Variants in UGT1A10 observed in about 807,000 individuals in gnomAD.
UGT1A10 encodes the protein UDP glucuronosyltransferase family 1 member A10.
UGT1A10 carries 49 observed loss-of-function variants against 45.8 expected under a neutral mutation model. The observed-to-expected ratio is 1.07, with a 90% CI of 0.85 to 1.36. The LOEUF (loss-of-function observed/expected upper bound fraction) is 1.36. UGT1A10 is among the 40% of genes most tolerant of loss of function. The pLI is 0.00. For synonymous variants in UGT1A10, 284 were observed against 249.7 expected (o/e 1.14, Z -1.29); for missense variants, 745 against 668.6 (o/e 1.11, Z -1.26).
In UGT1A10 at chr2:233,682,581, A is replaced by G. The variant is rs1415178674; in HGVS notation, c.855+45204A>G. ...GTATGGAACCACATCATGCACTTGG[A>G]GGAACATTTATTTTGCCCCTATTTT... is the stretch of plus-strand genomic sequence containing the variant. On this transcript the variant is annotated intron_variant, in intron 1 of 4. Transcript: ENST00000344644. 2.2e-5 allele frequency: 36 copies of G among 1,613,826 alleles called. No individual in the cohort carries two copies. Among genetic ancestry groups the G allele is most frequent in the Non-Finnish European group, 2.7e-5 (32 of 1,179,846 alleles).
rs768275652 is a variant in UGT1A10 at position 233,636,725 on chromosome 2, G to A, written c.203G>A (p.Arg68Lys). The A allele has an allele frequency of 1.2e-6, 2 of 1,614,076 alleles. No individual in the cohort carries two copies. Among genetic ancestry groups the A allele is most frequent in the Non-Finnish European group, 8.5e-7 (1 of 1,180,046 alleles). The part of the protein sequence containing the change: ...VMPEVSWQLE[R>K]SLNCTVKTYS... ...CCAGAGGTGAGTTGGCAACTGGAAA[G>A]ATCACTGAATTGCACAGTGAAGACT... Residue 68 changes from arginine (R) to lysine (K), a missense_variant, in exon 1 of 5, where the codon AGA (arginine) becomes AAA (lysine). Arg to Lys is a conservative substitution (Grantham distance 26, BLOSUM62 2). Transcript: ENST00000344644.
chr2:233,695,130 CTTT>C (rs71398796), intron 1 of UGT1A10, among the ~76,000 whole-genome samples: 3 of 138,822 alleles, frequency 2.2e-5, no homozygotes, highest in Non-Finnish European at 3.1e-5. Context: ...CTTTTCTTTT[CTTT>C]TTTTTTTTTT....
chr2:233,735,747 T>C (rs933103602), intron 1 of UGT1A10, among the ~76,000 whole-genome samples: 3 of 152,290 alleles, frequency 2.0e-5, no homozygotes, highest in African/African-American at 7.2e-5. Context: ...TATAAAGGAT[T>C]TTATTTCTCC....
Position 233,730,172 on chromosome 2 carries a change from A to T in UGT1A10, c.856-36862A>T, listed in dbSNP as rs45486905. On this transcript the variant is annotated intron_variant, in intron 1 of 4. Coordinates refer to ENST00000344644, the MANE Select transcript of UGT1A10 (RefSeq NM_019075.4). ...TAAGGGGTCTCTAGTAGCGTATTTCAGGTTTTAAATGGTCACTGAGAGGAA... is the reference window on the plus strand; with the variant it reads ...TAAGGGGTCTCTAGTAGCGTATTTCTGGTTTTAAATGGTCACTGAGAGGAA... Among the ~76,000 whole-genome samples the T allele has an allele frequency of 6.6e-5, 10 of 152,342 alleles. No homozygotes were observed. In the East Asian group the frequency reaches 1.9e-3, roughly 29 times the overall value.
chr2:233,764,106 T>G (rs966057827), intron 1 of UGT1A10, among the ~76,000 whole-genome samples: 1 of 152,214 alleles, frequency 6.6e-6, no homozygotes, highest in Non-Finnish European at 1.5e-5. Flanking sequence ...AAATACAAAA[T>G]TCTTGGTAAA....
At chr2:233,696,744 T>C (rs1490233452) in intron 1 of UGT1A10, among the ~76,000 whole-genome samples, 1 of 152,200 alleles carries the variant, frequency 6.6e-6, no homozygotes, top group African/African-American at 2.4e-5. Context: ...CTTTTCAGTA[T>C]GATGTTAGCT....
At chr2:233,736,981 G>C (rs1363558721) in intron 1 of UGT1A10, among the ~76,000 whole-genome samples, 4 of 152,198 alleles carry the variant, frequency 2.6e-5, no homozygotes, top group Non-Finnish European at 5.9e-5. Flanking sequence ...TCCCAGTCAA[G>C]ATACACAGAG....
At chr2:233,737,662 C>A (rs972377767) in intron 1 of UGT1A10, among the ~76,000 whole-genome samples, 3 of 152,186 alleles carry the variant, frequency 2.0e-5, no homozygotes, top group African/African-American at 7.2e-5. Context: ...AGCTGCAGAT[C>A]GGAGCTGTTC....
At chr2:233,646,217 C>G (rs1482373544) in intron 1 of UGT1A10, among the ~76,000 whole-genome samples, 3 of 152,194 alleles carry the variant, frequency 2.0e-5, no homozygotes, top group Non-Finnish European at 4.4e-5. Flanking sequence ...CTGCACACAG[C>G]AGGGGGCCCT....
At chr2:233,771,437 T>G (rs981684428) in intron 4 of UGT1A10, 1 of 152,226 alleles carries the variant, frequency 6.6e-6, no homozygotes, top group African/African-American at 2.4e-5. Context: ...CATTTTGCAC[T>G]AAGTGGCTGC....
intron 1 of UGT1A10, among the ~76,000 whole-genome samples, chr2:233,678,468 G>C (rs1475716504): frequency 1.3e-5 from 2 of 152,198 alleles, no homozygotes; most frequent in Admixed American, 1.3e-4. Context: ...GGAGGCAGGA[G>C]AGGCAGGTGC....
chr2:233,688,966 C>T (rs1036860772), intron 1 of UGT1A10, among the ~76,000 whole-genome samples: 10 of 152,172 alleles, frequency 6.6e-5, no homozygotes, highest in Non-Finnish European at 1.3e-4. Flanking sequence ...GGAATCATAG[C>T]ATGTTCTTTC....
chr2:233,745,232 C>G (rs1693047388), intron 1 of UGT1A10, among the ~76,000 whole-genome samples: 1 of 151,800 alleles, frequency 6.6e-6, no homozygotes, highest in East Asian at 1.9e-4. Flanking sequence ...AAATACAGCA[C>G]TATTTACTGT....
In UGT1A10 at chr2:233,718,993, C is replaced by T. The variant is rs141408391; in HGVS notation, c.856-48041C>T. On this transcript the variant is annotated intron_variant, in intron 1 of 4. Transcript: ENST00000344644. ...GAGCTCCATGCCAGAGGCCACCAGG[C>T]GGTGGTCCTCACCCCAGAGGTGAAT... 743 of 1,614,156 alleles carry T rather than the reference C, an allele frequency of 4.6e-4. 9 individuals carry two copies. In the South Asian group the frequency reaches 5.4e-3, roughly 12 times the overall value.
intron 1 of UGT1A10, chr2:233,671,704 A>G: frequency 3.3e-6 from 3 of 920,382 alleles, no homozygotes; most frequent in Non-Finnish European, 4.4e-6. Context: ...CCCCCAAGGC[A>G]AAGACCATAA....
At chr2:233,680,023 C>A (rs970240946) in intron 1 of UGT1A10, among the ~76,000 whole-genome samples, 2 of 152,044 alleles carry the variant, frequency 1.3e-5, no homozygotes. Flanking sequence ...CTCTCTCTCT[C>A]TTTTTTCTTT....
chr2:233,681,166 C>T (rs886138503), intron 1 of UGT1A10, among the ~76,000 whole-genome samples: 1 of 151,848 alleles, frequency 6.6e-6, no homozygotes, highest in Non-Finnish European at 1.5e-5. Context: ...GAGGTCAACG[C>T]TAAGACCCTT....
At chr2:233,717,630 C>T (rs1290579754) in intron 1 of UGT1A10, among the ~76,000 whole-genome samples, 1 of 152,248 alleles carries the variant, frequency 6.6e-6, no homozygotes, top group Non-Finnish European at 1.5e-5. Flanking sequence ...CTGCCCACCT[C>T]ATCCTGGGGC....
chr2:233,724,896 C>T lies in UGT1A10; in HGVS notation c.856-42138C>T, dbSNP rs1575557571. 1.5e-5 allele frequency among the ~76,000 whole-genome samples: 2 copies of T among 137,598 alleles called. 1 individual carries two copies. The highest frequency in any genetic ancestry group is 4.4e-4 in the East Asian group (2 of 4,596). The allele number at this position is 137,598 out of a possible 152,430, so 90.3% of individuals were successfully genotyped here. A position where few individuals can be genotyped will look rare whatever the true frequency, so the allele number is the denominator to read the frequency against. On this transcript the variant is annotated intron_variant, in intron 1 of 4. Coordinates refer to ENST00000344644, the MANE Select transcript of UGT1A10 (RefSeq NM_019075.4). ...GAGCGGAGATCACGCCACTGCACTC[C>T]AGCCTGGGCACCATTGAGCACTGAG...
Sources: allele counts gnomAD v4.1 joint callset (sites outside exome capture counted in the v4.1 genomes callset), GRCh38; gene constraint gnomAD v4.1.1; transcripts MANE v1.5; gene names NCBI Gene and HGNC (gene_info 2026-07-23, HGNC 2026-07-21).